CDH10: variants seen among roughly 807,000 people sequenced by gnomAD.
CDH10 encodes cadherin 10.
Under a neutral mutation model 73.1 loss-of-function variants are expected in CDH10, and 30 were observed. The observed-to-expected ratio is 0.41, with a 90% CI of 0.31 to 0.56. CDH10 has a LOEUF of 0.56. Ranked by LOEUF, CDH10 falls within the 20% of genes least tolerant of loss-of-function variation. The pLI is 0.27. For missense variants in CDH10, 815 were observed against 973.7 expected (o/e 0.84, Z 2.17); for synonymous variants, 345 against 348.2 (o/e 0.99, Z 0.10).
chr5:24,500,822 C>T (rs1422609317), intron 8 of CDH10, among the ~76,000 whole-genome samples: 2 of 152,106 alleles, frequency 1.3e-5, no homozygotes, highest in Non-Finnish European at 2.9e-5. Context: ...TATGCTTTCT[C>T]CACATAAAGT....
At chr5:24,599,519 AAACT>A (rs1746487566) in intron 1 of CDH10, among the ~76,000 whole-genome samples, 1 of 152,194 alleles carries the variant, frequency 6.6e-6, no homozygotes, top group African/African-American at 2.4e-5. Flanking sequence ...AATGGTGTGT[AAACT>A]AACTTACTAT....
chr5:24,588,648 T>C (rs937313978), intron 2 of CDH10, among the ~76,000 whole-genome samples: 10 of 152,190 alleles, frequency 6.6e-5, no homozygotes, highest in Admixed American at 6.5e-4. Flanking sequence ...ACTGTGTCCA[T>C]ATTATCAAAA....
At chr5:24,535,419 A>T (rs1382732895) in intron 4 of CDH10, 140 bp from the exon 5 acceptor site, 16 of 829,140 alleles carry the variant, frequency 1.9e-5, no homozygotes, top group Non-Finnish European at 2.6e-5. Flanking sequence ...TCTAGAAATT[A>T]TAAAAGTGAT....
intron 1 of CDH10, among the ~76,000 whole-genome samples, chr5:24,606,336 C>T (rs1478608324): frequency 3.3e-5 from 5 of 152,014 alleles, no homozygotes; most frequent in African/African-American, 4.8e-5. Context: ...ACAGGCCTGG[C>T]GCAGTGGCTC....
chr5:24,644,920 T>G lies in CDH10; in HGVS notation c.-450A>C, dbSNP rs1032762939. ...GCTGATAGAGCTGCAGCACTCGCCA[T>G]GGGAAGGTTAGAGACTGTGGAAGTG... On this transcript the variant is annotated 5_prime_UTR_variant, in exon 1 of 12. An upstream start codon of the reference 5' UTR is lost. Transcript: ENST00000264463. 1 of 151,388 alleles carries G rather than the reference T, an allele frequency of 6.6e-6. No homozygotes were observed. Among genetic ancestry groups the G allele is most frequent in the Non-Finnish European group, 1.5e-5 (1 of 67,910 alleles). 9.4% of individuals were successfully genotyped at this position (151,388 alleles called of 1,614,324 possible). A position where few individuals can be genotyped will look rare whatever the true frequency, so the allele number is the denominator to read the frequency against.
intron 4 of CDH10, 114 bp from the exon 5 acceptor site, chr5:24,535,393 A>T: frequency 2.1e-6 from 2 of 949,386 alleles, no homozygotes; most frequent in Admixed American, 5.5e-5. Flanking sequence ...ATACGTTTTG[A>T]TACTCGTTTT....
chr5:24,633,488 T>A (rs936554847), intron 1 of CDH10, among the ~76,000 whole-genome samples: 4 of 151,922 alleles, frequency 2.6e-5, no homozygotes, highest in Non-Finnish European at 5.9e-5. Context: ...CTGCTTTTCT[T>A]GTAGGCAGCA....
At chr5:24,550,169 T>C (rs546041154) in intron 2 of CDH10, among the ~76,000 whole-genome samples, 1 of 152,234 alleles carries the variant, frequency 6.6e-6, no homozygotes, top group East Asian at 1.9e-4. Context: ...ATGAAAATAA[T>C]ACATAGAAGA....
chr5:24,534,818 C>T (rs1039926874), intron 5 of CDH10, among the ~76,000 whole-genome samples: 9 of 151,976 alleles, frequency 5.9e-5, no homozygotes, highest in Non-Finnish European at 1.2e-4. Flanking sequence ...CTTTTGTTAG[C>T]TGAAAGAAAC....
intron 5 of CDH10, among the ~76,000 whole-genome samples, chr5:24,526,601 T>A (rs1378354470): frequency 1.3e-5 from 2 of 151,872 alleles, no homozygotes; most frequent in Non-Finnish European, 2.9e-5. Context: ...TTTTCATTGA[T>A]ATTTTACCTT....
rs1257301646 is a variant in CDH10 at position 24,578,366 on chromosome 5, A to T, written c.231+14894T>A. ...TTGGTTTATTGAAAGAAGCATCTTC[A>T]TCTTCTTCATCTAGCTGTAGATGAC... On this transcript the variant is annotated intron_variant, in intron 2 of 11. Transcript: ENST00000264463. 5 of 219,094 alleles carry T rather than the reference A, an allele frequency of 2.3e-5. No homozygotes were observed. In the East Asian group the frequency reaches 6.2e-4, roughly 27 times the overall value. 13.6% of individuals were successfully genotyped at this position (219,094 alleles called of 1,614,324 possible).
chr5:24,523,477 C>A (rs755381001), intron 5 of CDH10, among the ~76,000 whole-genome samples: 1 of 152,034 alleles, frequency 6.6e-6, no homozygotes, highest in Non-Finnish European at 1.5e-5. Context: ...TATCAATGTT[C>A]TCTCCCGAAA....
rs1741902467 is a variant in CDH10, at chr5:24,487,928, G to A, written c.2102C>T (p.Thr701Ile). ...GTCCGTGTTATCTGGAGCTGTAGGA[G>A]TCCTCCGAGGAATAAATAACGTTTC... ...IPETLFIPRR[T>I]PTAPDNTDVR... Residue 701 changes from threonine (T) to isoleucine (I), a missense_variant, in exon 12 of 12, where the codon ACT (threonine) becomes ATT (isoleucine). This residue lies in a region of CDH10 where 241 missense variants were observed against 240.3 expected (regional missense o/e 1.00). Coordinates refer to ENST00000264463, the MANE Select transcript of CDH10 (RefSeq NM_006727.5). 1 of 1,613,820 alleles carries A rather than the reference G, an allele frequency of 6.2e-7. No individual in the cohort carries two copies. The highest frequency in any genetic ancestry group is 1.1e-5 in the South Asian group (1 of 91,062).
chr5:24,509,219 A>T (rs1309169267), intron 7 of CDH10, among the ~76,000 whole-genome samples: 1 of 143,668 alleles, frequency 7.0e-6, no homozygotes, highest in East Asian at 2.1e-4. Context: ...CATTTTAAAC[A>T]ACATTTTGTT....
intron 8 of CDH10, among the ~76,000 whole-genome samples, chr5:24,499,125 T>C (rs560191392): frequency 2.6e-4 from 40 of 152,320 alleles, no homozygotes; most frequent in African/African-American, 9.1e-4. Flanking sequence ...CAAAATGTAT[T>C]TCAACAACTG....
intron 2 of CDH10, among the ~76,000 whole-genome samples, chr5:24,576,993 T>C (rs1372766677): frequency 7.7e-6 from 1 of 129,108 alleles, no homozygotes; most frequent in Non-Finnish European, 1.6e-5. Flanking sequence ...AGTCTGTCCA[T>C]TAGCTAAAAT....
intron 8 of CDH10, among the ~76,000 whole-genome samples, chr5:24,503,521 C>A (rs1742574049): frequency 6.6e-6 from 1 of 152,176 alleles, no homozygotes; most frequent in South Asian, 2.1e-4. Flanking sequence ...TTAACAAGCA[C>A]CTGACATTTT....
At chr5:24,641,394 A>G (rs1194612438) in intron 1 of CDH10, among the ~76,000 whole-genome samples, 1 of 152,056 alleles carries the variant, frequency 6.6e-6, no homozygotes, top group Admixed American at 6.6e-5. Context: ...GTAAATGCAG[A>G]AAATTATATG....
At chr5:24,511,086 A>G (rs1306167636) in intron 6 of CDH10, among the ~76,000 whole-genome samples, 1 of 152,232 alleles carries the variant, frequency 6.6e-6, no homozygotes, top group Non-Finnish European at 1.5e-5. Flanking sequence ...TCACACATAT[A>G]TTAACTTGCC....
Sources: allele counts gnomAD v4.1 joint callset (sites outside exome capture counted in the v4.1 genomes callset), GRCh38; gene constraint gnomAD v4.1.1; regional missense constraint gnomAD v4.1.1; transcripts MANE v1.5; gene names NCBI Gene and HGNC (gene_info 2026-07-23, HGNC 2026-07-21).